KIRREL3: variants seen among roughly 807,000 people sequenced by gnomAD.
The protein encoded by KIRREL3 is kin of IRRE-like protein 3.
In KIRREL3, 36 loss-of-function variants were observed where a neutral mutation model predicts 89.7. The ratio of observed to expected loss-of-function variants is 0.40; its 90% confidence interval spans 0.31 to 0.53. The LOEUF is 0.53. KIRREL3 is among the 20% of genes least tolerant of loss of function. The probability of loss-of-function intolerance (pLI) is 0.49; values close to 1 mark genes in which losing one functional copy is unlikely to be tolerated. For synonymous variants in KIRREL3, 445 were observed against 441.4 expected, an observed-to-expected ratio of 1.01 and a Z score of -0.10; for missense variants, 864 against 1,056.6, an observed-to-expected ratio of 0.82 and a Z score of 2.53.
rs1949250468 is a variant in KIRREL3 at position 126,965,789 on chromosome 11, G to A, written c.55+34666C>T. On this transcript the variant is annotated intron_variant, in intron 1 of 16. Transcript: ENST00000525144. This position sits in a 1 kb window ranked among gnomAD's most constrained non-coding sequence, Gnocchi z 4.4. The stretch of plus-strand genomic sequence containing the variant: ...TCTGGAGAGTTAACATCAGAAAAGA[G>A]TGAGTGCTTCCAGAGTGCCAGCGAT... Among the ~76,000 whole-genome samples the A allele has an allele frequency of 1.3e-5, 2 of 152,286 alleles. No individual in the cohort carries two copies. The highest frequency in any genetic ancestry group is 4.1e-4 in the South Asian group (2 of 4,820).
rs920087044 is a variant in KIRREL3, at chr11:126,612,977, C to G, written c.56-50065G>C. 1.6e-4 allele frequency among the ~76,000 whole-genome samples: 25 copies of G among 152,168 alleles called. No individual in the cohort carries two copies. Among genetic ancestry groups the G allele is most frequent in the Non-Finnish European group, 5.9e-5 (4 of 68,042 alleles). On this transcript the variant is annotated intron_variant, in intron 1 of 16. Transcript: ENST00000525144. The surrounding 1 kb of genome is among the most constrained non-coding windows in gnomAD (Gnocchi z 4.5). ...AAGTTTTTGTGTGAACGTATGTTTT[C>G]AGTACTCTTGGGTATATACTTAGAA... is the stretch of plus-strand genomic sequence containing the variant.
At chr11:126,939,879 C>T (rs924077563) in intron 1 of KIRREL3, among the ~76,000 whole-genome samples, 7 of 152,174 alleles carry the variant, frequency 4.6e-5, no homozygotes, top group Non-Finnish European at 1.0e-4. Context: ...CAAGGTCACT[C>T]TGGGCAACTT....
rs1348177430 is a variant in KIRREL3, at chr11:126,441,258, C to A, written c.1253-709G>T. Among the ~76,000 whole-genome samples, 1 of 152,242 alleles carries A rather than the reference C, an allele frequency of 6.6e-6. No homozygotes were observed. The highest frequency in any genetic ancestry group is 2.4e-5 in the African/African-American group (1 of 41,458). On this transcript the variant is annotated intron_variant, in intron 10 of 16. Transcript: ENST00000525144. The surrounding 1 kb of genome is among the most constrained non-coding windows in gnomAD (Gnocchi z 5.0). ...GCTCCCAAACTGACCCCAATATTAT[C>A]ATATCACAGAGTGTGGCACATGTTT...
rs1005941937 is a variant in KIRREL3 at position 126,909,634 on chromosome 11, G to A, written c.55+90821C>T. The stretch of plus-strand genomic sequence containing the variant: ...CTGGTGTCCTCCACCCTTTCAGCAG[G>A]CCAGGAGTCTCTTGGGAAGCCTACC... On this transcript the variant is annotated intron_variant, in intron 1 of 16. Coordinates refer to ENST00000525144, the MANE Select transcript of KIRREL3 (RefSeq NM_032531.4). The surrounding 1 kb of genome is among the most constrained non-coding windows in gnomAD (Gnocchi z 4.5). 6.6e-6 allele frequency among the ~76,000 whole-genome samples: 1 copy of A among 152,076 alleles called. No individual in the cohort carries two copies. Among genetic ancestry groups the A allele is most frequent in the Non-Finnish European group, 1.5e-5 (1 of 67,996 alleles).
At chr11:126,982,065 T>A (rs1407992963) in intron 1 of KIRREL3, among the ~76,000 whole-genome samples, 1 of 152,200 alleles carries the variant, frequency 6.6e-6, no homozygotes. Context: ...TTCTTTTAAT[T>A]CCCCAGAGCC....
chr11:126,454,800 A>G lies in KIRREL3; in HGVS notation c.848+1549T>C, dbSNP rs1349912535. On this transcript the variant is annotated intron_variant, in intron 7 of 16. Coordinates refer to ENST00000525144, the MANE Select transcript of KIRREL3 (RefSeq NM_032531.4). This position sits in a 1 kb window ranked among gnomAD's most constrained non-coding sequence, Gnocchi z 5.8. ...GCCTGGAGTCCCCGGCTCAGAAGGG[A>G]CCCTGGAGGTCATCTGTTCTTTCTT... 6.6e-6 allele frequency among the ~76,000 whole-genome samples: 1 copy of G among 152,086 alleles called. No homozygotes were observed. Among genetic ancestry groups the G allele is most frequent in the South Asian group, 2.1e-4 (1 of 4,828 alleles).
At chr11:126,502,842 A>G (rs1187099978) in intron 4 of KIRREL3, among the ~76,000 whole-genome samples, 3 of 152,186 alleles carry the variant, frequency 2.0e-5, no homozygotes, top group Admixed American at 6.5e-5. Context: ...CAGTAATAAC[A>G]TCAACATTTC....
chr11:126,973,193 G>C (rs372143520), intron 1 of KIRREL3, among the ~76,000 whole-genome samples: 6 of 151,472 alleles, frequency 4.0e-5, no homozygotes, highest in Non-Finnish European at 7.4e-5. Flanking sequence ...AGGCTGAATG[G>C]CCCTGGCATA....
At chr11:126,737,969 C>T (rs760842656) in intron 1 of KIRREL3, among the ~76,000 whole-genome samples, 5 of 152,162 alleles carry the variant, frequency 3.3e-5, no homozygotes, top group Non-Finnish European at 7.3e-5. Context: ...TCTTATTCTT[C>T]TATTTAACTG....
intron 1 of KIRREL3, among the ~76,000 whole-genome samples, chr11:126,633,376 T>C (rs1220583037): frequency 6.6e-6 from 1 of 151,828 alleles, no homozygotes; most frequent in East Asian, 1.9e-4. Flanking sequence ...AACAAAAAAA[T>C]TGATTCCTAG....
chr11:126,963,312 C>G (rs1949152712), intron 1 of KIRREL3, among the ~76,000 whole-genome samples: 1 of 147,130 alleles, frequency 6.8e-6, no homozygotes, highest in Non-Finnish European at 1.5e-5. Context: ...AACACACATA[C>G]ACACACACAC....
intron 1 of KIRREL3, among the ~76,000 whole-genome samples, chr11:126,874,802 C>T (rs564545989): frequency 6.6e-6 from 1 of 152,140 alleles, no homozygotes; most frequent in African/African-American, 2.4e-5. Context: ...TTCCAGCCCC[C>T]AGAGGCTCAT....
At chr11:126,793,134 T>C (rs1266871047) in intron 1 of KIRREL3, among the ~76,000 whole-genome samples, 1 of 150,894 alleles carries the variant, frequency 6.6e-6, no homozygotes, top group Non-Finnish European at 1.5e-5. Context: ...AATAATGTCT[T>C]GTAAGGTTTA....
rs943808804 is a variant in KIRREL3, at chr11:126,977,389, C to T, written c.55+23066G>A. Reference sequence around the variant, plus strand: ...TTGAGCCACCTTTCTTTTTCATCACCCAGCTTTTCATATTGTTTATTTTCT... The same window carrying T: ...TTGAGCCACCTTTCTTTTTCATCACTCAGCTTTTCATATTGTTTATTTTCT... On this transcript the variant is annotated intron_variant, in intron 1 of 16. Coordinates refer to ENST00000525144, the MANE Select transcript of KIRREL3 (RefSeq NM_032531.4). This position sits in a 1 kb window ranked among gnomAD's most constrained non-coding sequence, Gnocchi z 4.7. 1.3e-5 allele frequency among the ~76,000 whole-genome samples: 2 copies of T among 152,114 alleles called. No individual in the cohort carries two copies. The highest frequency in any genetic ancestry group is 3.8e-4 in the East Asian group (2 of 5,196).
intron 1 of KIRREL3, among the ~76,000 whole-genome samples, chr11:126,583,271 G>A (rs1261708787): frequency 6.6e-6 from 1 of 152,194 alleles, no homozygotes; most frequent in Non-Finnish European, 1.5e-5. Flanking sequence ...CCCGCTCTAG[G>A]CCTGCCAGCA....
chr11:126,728,204 G>C (rs921042363), intron 1 of KIRREL3, among the ~76,000 whole-genome samples: 4 of 152,142 alleles, frequency 2.6e-5, no homozygotes, highest in African/African-American at 9.7e-5. Context: ...CACCAGGAGG[G>C]GCAGGGTCAG....
Position 126,492,490 on chromosome 11 carries a change from G to A in KIRREL3, c.434-19024C>T, listed in dbSNP as rs1297852090. On this transcript the variant is annotated intron_variant, in intron 4 of 16. Coordinates refer to ENST00000525144, the MANE Select transcript of KIRREL3 (RefSeq NM_032531.4). This position sits in a 1 kb window ranked among gnomAD's most constrained non-coding sequence, Gnocchi z 4.8. Reference sequence around the variant, plus strand: ...GCCCCTGTCCGTCCAGTTCTGAGAGGTGTTTCTATCTGTAGGGGCCGAGGG... The same window carrying A: ...GCCCCTGTCCGTCCAGTTCTGAGAGATGTTTCTATCTGTAGGGGCCGAGGG... Among the ~76,000 whole-genome samples, 1 of 152,134 alleles carries A rather than the reference G, an allele frequency of 6.6e-6. No homozygotes were observed. Among genetic ancestry groups the A allele is most frequent in the Non-Finnish European group, 1.5e-5 (1 of 68,030 alleles).
At chr11:126,960,991 T>C (rs888934964) in intron 1 of KIRREL3, among the ~76,000 whole-genome samples, 14 of 152,196 alleles carry the variant, frequency 9.2e-5, no homozygotes, top group Non-Finnish European at 1.2e-4. Flanking sequence ...AATATTGTAA[T>C]TGTTTTGGGG....
rs940446798 is a variant in KIRREL3, at chr11:126,751,612, A to G, written c.56-188700T>C. ...TGACCACTGGTTAAAAGGCTGCACAAGTAATCATCGCAATATCTGCTACAA... is the reference window on the plus strand; with the variant it reads ...TGACCACTGGTTAAAAGGCTGCACAGGTAATCATCGCAATATCTGCTACAA... On this transcript the variant is annotated intron_variant, in intron 1 of 16. Transcript: ENST00000525144. Among the ~76,000 whole-genome samples the G allele has an allele frequency of 2.0e-5, 3 of 152,218 alleles. No individual in the cohort carries two copies. In the South Asian group the frequency reaches 6.2e-4, roughly 32 times the overall value.
Sources: allele counts gnomAD v4.1 joint callset (sites outside exome capture counted in the v4.1 genomes callset), GRCh38; gene constraint gnomAD v4.1.1; non-coding constraint Gnocchi (gnomAD v3.1); transcripts MANE v1.5; gene names NCBI Gene and HGNC (gene_info 2026-07-23, HGNC 2026-07-21).